The following VWA3B variants were observed in gnomAD, a reference collection of about 807,000 sequenced individuals.
VWA3B encodes von Willebrand factor A domain-containing protein 3B.
In VWA3B, 138 loss-of-function variants were observed where a neutral mutation model predicts 158.3. The ratio of observed to expected loss-of-function variants is 0.87; its 90% CI spans 0.76 to 1.00. The LOEUF (loss-of-function observed/expected upper bound fraction) is 1.00, where lower values mean the gene tolerates loss of function less well. VWA3B is among the 50% of genes least tolerant of loss of function. The probability of loss-of-function intolerance (pLI) is 0.00; values close to 1 mark genes in which losing one functional copy is unlikely to be tolerated. For synonymous variants in VWA3B, 596 were observed against 587.3 expected (o/e 1.01, Z -0.21); for missense variants, 1,555 against 1,565.1 (o/e 0.99, Z 0.11).
intron 2 of VWA3B, among the ~76,000 whole-genome samples, chr2:98,113,832 CA>C (rs1220070996): frequency 6.6e-6 from 1 of 152,156 alleles, no homozygotes; most frequent in African/African-American, 2.4e-5. Flanking sequence ...TTGTAACCAG[CA>C]CCAATACTTT....
At chr2:98,102,064 T>C (rs992232666) in intron 2 of VWA3B, among the ~76,000 whole-genome samples, 1 of 151,802 alleles carries the variant, frequency 6.6e-6, no homozygotes, top group Non-Finnish European at 1.5e-5. Context: ...GATTATGGAG[T>C]GGTGATCACT....
chr2:98,103,386 T>C (rs1258452303), intron 2 of VWA3B, among the ~76,000 whole-genome samples: 1 of 152,148 alleles, frequency 6.6e-6, no homozygotes, highest in Admixed American at 6.5e-5. Context: ...AAATAATTAT[T>C]TTTAAACCTT....
At chr2:98,239,004 C>G (rs1685889508) in intron 19 of VWA3B, among the ~76,000 whole-genome samples, 1 of 152,138 alleles carries the variant, frequency 6.6e-6, no homozygotes, top group Admixed American at 6.5e-5. Flanking sequence ...CACCACCTCC[C>G]CCATCAAATT....
intron 21 of VWA3B, among the ~76,000 whole-genome samples, chr2:98,267,051 C>T (rs908697129): frequency 6.6e-6 from 1 of 151,838 alleles, no homozygotes; most frequent in Non-Finnish European, 1.5e-5. Flanking sequence ...TTTCTCCTAC[C>T]TGATTGCCCT....
rs934243916 is a variant in VWA3B, at chr2:98,187,884, C to T, written c.1312-91C>T. 3 of 1,348,962 alleles carry T rather than the reference C, an allele frequency of 2.2e-6. No individual in the cohort carries two copies. The African/African-American group carries it at 4.4e-5, about 20-fold the overall frequency. 83.6% of individuals were successfully genotyped at this position (1,348,962 alleles called of 1,614,324 possible). ...GACGGTAGAGTGGAGTGCTAGGAGCCACTTGAATACGACAGAGCTTAAGGT... is the reference window on the plus strand; with the variant it reads ...GACGGTAGAGTGGAGTGCTAGGAGCTACTTGAATACGACAGAGCTTAAGGT... On this transcript the variant is annotated intron_variant, in intron 9 of 27. Coordinates refer to ENST00000477737, the MANE Select transcript of VWA3B (RefSeq NM_144992.5).
chr2:98,165,826 C>T (rs917331176), intron 8 of VWA3B, among the ~76,000 whole-genome samples: 5 of 152,014 alleles, frequency 3.3e-5, no homozygotes, highest in South Asian at 4.2e-4. Flanking sequence ...GACACCCACT[C>T]GAAAACCCAG....
chr2:98,197,319 G>A lies in VWA3B; in HGVS notation c.1737+2827G>A, dbSNP rs138947554. Among the ~76,000 whole-genome samples, 136 of 152,326 alleles carry A rather than the reference G, an allele frequency of 8.9e-4. 4 individuals carry two copies. In the East Asian group the frequency reaches 0.017, roughly 19 times the overall value. The stretch of plus-strand genomic sequence containing the variant: ...ATGCTGATATGCTCTATGACCAGCA[G>A]TGTTTACTTTGATCATTTGGTTAAG... On this transcript the variant is annotated intron_variant, in intron 12 of 27. Coordinates refer to ENST00000477737, the MANE Select transcript of VWA3B (RefSeq NM_144992.5).
chr2:98,164,514 T>A (rs1041152065), intron 8 of VWA3B, among the ~76,000 whole-genome samples: 4 of 152,198 alleles, frequency 2.6e-5, no homozygotes, highest in Admixed American at 2.6e-4. Flanking sequence ...TTTCTTATTA[T>A]CTCCAACTGA....
chr2:98,220,971 G>T lies in VWA3B; in HGVS notation c.2019+2943G>T, dbSNP rs554360752. Among the ~76,000 whole-genome samples, 83 of 152,236 alleles carry T rather than the reference G, an allele frequency of 5.5e-4. No individual in the cohort carries two copies. In the South Asian group the frequency reaches 5.6e-3, roughly 10 times the overall value. ...AACATCACACACCTGGGGCCTGTCG[G>T]GGGCGGGGCAGAGGGAGGGAGAGCA... On this transcript the variant is annotated intron_variant, in intron 14 of 27. Transcript: ENST00000477737.
intron 12 of VWA3B, among the ~76,000 whole-genome samples, chr2:98,210,584 G>T (rs1420410258): frequency 6.6e-6 from 1 of 152,218 alleles, no homozygotes; most frequent in Non-Finnish European, 1.5e-5. Context: ...GATGGGTCAG[G>T]TCATGGGGTT....
At chr2:98,305,758 G>A (rs1297019868) in intron 26 of VWA3B, among the ~76,000 whole-genome samples, 3 of 152,000 alleles carry the variant, frequency 2.0e-5, no homozygotes, top group Admixed American at 2.0e-4. Context: ...CAGGTTGCAG[G>A]CATCCTAACT....
intron 2 of VWA3B, among the ~76,000 whole-genome samples, chr2:98,094,289 A>G (rs1442505537): frequency 1.3e-5 from 2 of 152,146 alleles, no homozygotes; most frequent in African/African-American, 4.8e-5. Context: ...TTTTCTCCAT[A>G]TCCTTGCCAA....
intron 12 of VWA3B, among the ~76,000 whole-genome samples, chr2:98,195,728 A>G (rs1490038209): frequency 3.9e-5 from 6 of 152,222 alleles, no homozygotes; most frequent in Non-Finnish European, 8.8e-5. Flanking sequence ...TTTATATAAA[A>G]ATCACTAATG....
intron 21 of VWA3B, among the ~76,000 whole-genome samples, chr2:98,263,066 T>TAC (rs1687583455): frequency 6.6e-6 from 1 of 151,936 alleles, no homozygotes; most frequent in South Asian, 2.1e-4. Context: ...CTTAATTCCT[T>TAC]ACCTGATTGT....
intron 22 of VWA3B, among the ~76,000 whole-genome samples, chr2:98,275,312 G>A (rs376490525): frequency 1.3e-5 from 2 of 152,234 alleles, no homozygotes; most frequent in Non-Finnish European, 2.9e-5. Flanking sequence ...TTAGATACCC[G>A]TGGGGCACAC....
At chr2:98,147,376 C>T (rs1677249965) in intron 7 of VWA3B, among the ~76,000 whole-genome samples, 1 of 152,122 alleles carries the variant, frequency 6.6e-6, no homozygotes, top group Admixed American at 6.5e-5. Context: ...GGAAAAGAAA[C>T]ATTCTTGCCA....
intron 9 of VWA3B, among the ~76,000 whole-genome samples, chr2:98,185,213 G>GCGCTATTC (rs57294153): frequency 0.011 from 1,615 of 152,088 alleles, 36 homozygotes; most frequent in African/African-American, 0.037. Flanking sequence ...TTATTCTCTT[G>GCGCTATTC]CGCTATTCCC....
intron 23 of VWA3B, among the ~76,000 whole-genome samples, chr2:98,295,886 G>T (rs1689773724): frequency 6.6e-6 from 1 of 152,248 alleles, no homozygotes. Flanking sequence ...CCCTACAGCT[G>T]CCCAGAGTGA....
intron 22 of VWA3B, among the ~76,000 whole-genome samples, chr2:98,276,229 TCTC>T (rs1341880748): frequency 1.3e-5 from 2 of 152,170 alleles, no homozygotes; most frequent in Non-Finnish European, 2.9e-5. Context: ...CAATGATACT[TCTC>T]CTTTCCATGT....
Sources: gnomAD v4.1 joint callset for allele counts (sites outside exome capture counted in the v4.1 genomes callset) on GRCh38, gnomAD v4.1.1 for gene constraint, MANE v1.5 for transcripts, NCBI Gene and HGNC (gene_info 2026-07-23, HGNC 2026-07-21) for gene names.